Variants in NDUFAF1 observed in about 807,000 individuals in gnomAD.
NDUFAF1 encodes the protein complex I intermediate-associated protein 30, mitochondrial.
NDUFAF1 carries 18 observed loss-of-function variants against 28.7 expected under a neutral mutation model. The observed-to-expected ratio is 0.63, with a 90% CI of 0.43 to 0.93. The LOEUF (loss-of-function observed/expected upper bound fraction) is 0.93, where lower values mean the gene tolerates loss of function less well. Ranked by LOEUF, NDUFAF1 falls within the 40% of genes least tolerant of loss-of-function variation. The pLI, the probability that NDUFAF1 is intolerant of heterozygous loss-of-function variation, is 0.00. For missense variants in NDUFAF1, 404 were observed against 398.3 expected (o/e 1.01, Z -0.12); for synonymous variants, 113 against 139.7 (o/e 0.81, Z 1.35).
intron 4 of NDUFAF1, among the ~76,000 whole-genome samples, chr15:41,388,009 C>CT (rs2050272559): frequency 6.6e-6 from 1 of 152,084 alleles, no homozygotes; most frequent in Admixed American, 6.6e-5. Flanking sequence ...ACTCAGGAGA[C>CT]TGAGGCAGGA....
chr15:41,390,766 C>T (rs555807137), intron 3 of NDUFAF1, among the ~76,000 whole-genome samples: 237 of 151,364 alleles, frequency 1.6e-3, no homozygotes, highest in Admixed American at 2.6e-3. Flanking sequence ...GGTATGGTGG[C>T]TCATGCCTGT....
At position 41,396,827 on chromosome 15, in the gene NDUFAF1, G is replaced by C; in HGVS notation, c.233C>G (p.Pro78Arg). 1 of 1,614,000 alleles carries C rather than the reference G, an allele frequency of 6.2e-7. No homozygotes were observed. The highest frequency in any genetic ancestry group is 8.5e-7 in the Non-Finnish European group (1 of 1,180,024). ...AATTGCTTTATCGAAACTAACATCA[G>C]GCTTCTCCTCAGAAGAAGTTATATC... ...ALDITSSEEK[P>R]DVSFDKAIRD... is the part of the protein sequence containing the mutation. The change falls in exon 2 of 5, where the codon CCT becomes CGT. Residue 78 changes from proline to arginine, a missense_variant. Transcript: ENST00000260361.
rs1197522470 is a variant in NDUFAF1 at position 41,387,459 on chromosome 15, T to C, written c.969A>G (p.Pro323=). ...CATATGATCTTTATTTAAAAAGCCT[T>C]GGGTTAAGCTCTGGAGAATTTTCAT... ...FAYENSPELN[P]RLFK Residue 323 remains proline, a synonymous_variant, in exon 5 of 5, where the codon CCA becomes CCG. Transcript: ENST00000260361. 1.9e-6 allele frequency: 3 copies of C among 1,613,594 alleles called. No individual in the cohort carries two copies. The highest frequency in any genetic ancestry group is 2.5e-6 in the Non-Finnish European group (3 of 1,179,644).
upstream of NDUFAF1, among the ~76,000 whole-genome samples, chr15:41,403,007 G>A (rs1372205365): frequency 6.6e-6 from 1 of 151,856 alleles, no homozygotes; most frequent in African/African-American, 2.4e-5. Context: ...TGAGATTACA[G>A]GCGCGAGCCA....
chr15:41,393,252 G>A (rs1338731401), intron 3 of NDUFAF1, among the ~76,000 whole-genome samples: 1 of 146,196 alleles, frequency 6.8e-6, no homozygotes, highest in Non-Finnish European at 1.5e-5. Flanking sequence ...AGCCCCCCTA[G>A]TAGCTGGGAT....
At chr15:41,388,238 G>A (rs948172064) in intron 4 of NDUFAF1, among the ~76,000 whole-genome samples, 3 of 152,096 alleles carry the variant, frequency 2.0e-5, no homozygotes, top group African/African-American at 7.2e-5. Context: ...TAAAATGTAG[G>A]CATGCTAAAA....
chr15:41,398,760 G>T (rs535307650), intron 1 of NDUFAF1, among the ~76,000 whole-genome samples: 1 of 152,080 alleles, frequency 6.6e-6, no homozygotes, highest in East Asian at 1.9e-4. Flanking sequence ...TTCAAGACCA[G>T]CCTGGCCAAA....
intron 1 of NDUFAF1, among the ~76,000 whole-genome samples, chr15:41,397,532 G>A (rs1203402582): frequency 6.6e-6 from 1 of 152,178 alleles, no homozygotes; most frequent in East Asian, 1.9e-4. Context: ...GGGCGCGGTG[G>A]CTGACGCCTG....
chr15:41,395,594 T>TC (rs1484069514), intron 2 of NDUFAF1, among the ~76,000 whole-genome samples: 7 of 150,924 alleles, frequency 4.6e-5, no homozygotes, highest in South Asian at 4.2e-4. Context: ...ATGGTCTCGA[T>TC]CTCCTGACCT....
intron 1 of NDUFAF1, among the ~76,000 whole-genome samples, chr15:41,401,175 C>T (rs1444298300): frequency 6.6e-6 from 1 of 151,332 alleles, no homozygotes; most frequent in African/African-American, 2.4e-5. Flanking sequence ...ACTATGTTGG[C>T]CAGAGTGGTC....
At chr15:41,394,019 C>CTTTTTTTTTTTTTTTTTTTTTTTTTTTTT in intron 3 of NDUFAF1, 1 of 128,876 alleles carries the variant, frequency 7.8e-6, no homozygotes, top group Admixed American at 1.4e-4. Flanking sequence ...TAGGACACTA[C>CTTTTTTTTTTTTTTTTTTTTTTTTTTTTT]TTTTTTTTTT....
chr15:41,393,732 C>G (rs1003769454), intron 3 of NDUFAF1, among the ~76,000 whole-genome samples: 1 of 151,578 alleles, frequency 6.6e-6, no homozygotes, highest in African/African-American at 2.4e-5. Context: ...GCCACCACAC[C>G]CAACTAATTT....
chr15:41,391,305 G>A (rs2050312845), intron 3 of NDUFAF1, among the ~76,000 whole-genome samples: 1 of 152,056 alleles, frequency 6.6e-6, no homozygotes, highest in East Asian at 1.9e-4. Flanking sequence ...ATATAAGCAA[G>A]ATCTCTGCTC....
intron 3 of NDUFAF1, chr15:41,394,389 A>G (rs1444451908): frequency 1.6e-5 from 21 of 1,288,814 alleles, no homozygotes; most frequent in Non-Finnish European, 2.1e-5. Flanking sequence ...GAAACTTCTA[A>G]AAAACAAACA....
Position 41,394,898 on chromosome 15 carries a change from G to A in NDUFAF1, c.720C>T (p.Phe240=). 6.2e-7 allele frequency: 1 copy of A among 1,614,078 alleles called. No homozygotes were observed. The highest frequency in any genetic ancestry group is 8.5e-7 in the Non-Finnish European group (1 of 1,180,024). ...AGTAGGGTCCCCCGCGGGTGAACAT[G>A]AAGTAACTATACATCTGATTCGTCC... is the stretch of plus-strand genomic sequence containing the variant. ...FQRTNQMYSY[F]MFTRGGPYWQ... The change falls in exon 3 of 5, where the codon TTC becomes TTT. Residue 240 remains phenylalanine (F), a synonymous_variant. Transcript: ENST00000260361.
rs761665477 is a variant in NDUFAF1, at chr15:41,396,997, A to G, written c.63T>C (p.Thr21=). The G allele has an allele frequency of 1.2e-6, 2 of 1,612,910 alleles. No individual in the cohort carries two copies. Among genetic ancestry groups the G allele is most frequent in the Non-Finnish European group, 8.5e-7 (1 of 1,179,544 alleles). Residue 21 remains threonine (T), a synonymous_variant, in exon 2 of 5, where the codon ACT becomes ACC. Transcript: ENST00000260361. ...TYFLRKFSKP[T]SALYPFLGIR... ...TACCCAAAAATGGATACAAGGCAGA[A>G]GTTGGCTTAGAGAATTTTCTGAGAA...
At chr15:41,391,112 A>G (rs2050310925) in intron 3 of NDUFAF1, among the ~76,000 whole-genome samples, 1 of 151,974 alleles carries the variant, frequency 6.6e-6, no homozygotes, top group African/African-American at 2.4e-5. Flanking sequence ...TACTTCCCAA[A>G]TTGTTTTTAT....
intron 3 of NDUFAF1, among the ~76,000 whole-genome samples, chr15:41,389,055 G>A (rs945036897): frequency 6.6e-6 from 1 of 151,392 alleles, no homozygotes; most frequent in Non-Finnish European, 1.5e-5. Context: ...TATTAAGCAC[G>A]ATCTTTTAAA....
rs190964250 is a variant in NDUFAF1, at chr15:41,396,721, C to T, written c.339G>A (p.Leu113=). Residue 113 remains leucine, a synonymous_variant, in exon 2 of 5, where the codon CTG becomes CTA. Transcript: ENST00000260361. ...DHWRGPEGHP[L]HEVLLEQAKV... ...TGGCTTGTTCCAGCAAGACCTCATG[C>T]AGAGGGTGGCCTTCCGGTCCTCTCC... 1 of 1,614,178 alleles carries T rather than the reference C, an allele frequency of 6.2e-7. No homozygotes were observed. The highest frequency in any genetic ancestry group is 8.5e-7 in the Non-Finnish European group (1 of 1,180,038).
Sources: allele counts gnomAD v4.1 joint callset (sites outside exome capture counted in the v4.1 genomes callset), GRCh38; gene constraint gnomAD v4.1.1; transcripts MANE v1.5; gene names NCBI Gene and HGNC (gene_info 2026-07-23, HGNC 2026-07-21).